The following NKAIN2 variants were observed in gnomAD, a reference collection of about 807,000 sequenced individuals.
The protein encoded by NKAIN2 is sodium/potassium-transporting ATPase subunit beta-1-interacting protein 2.
NKAIN2 carries 14 observed loss-of-function variants against 32.6 expected under a neutral mutation model. The ratio of observed to expected loss-of-function variants is 0.43; its 90% CI spans 0.28 to 0.67. The LOEUF is 0.67. Ranked by LOEUF, NKAIN2 falls within the 30% of genes least tolerant of loss-of-function variation. NKAIN2 has a pLI of 0.17. For missense variants in NKAIN2, 198 were observed against 258.3 expected (o/e 0.77, Z 1.60); for synonymous variants, 80 against 87.2 (o/e 0.92, Z 0.46).
chr6:124,291,415 G>A (rs546331074), intron 2 of NKAIN2, among the ~76,000 whole-genome samples: 2 of 152,046 alleles, frequency 1.3e-5, no homozygotes, highest in South Asian at 4.1e-4. Context: ...CATATTCAAT[G>A]TATGGCAATT....
chr6:123,983,070 A>G (rs1778974012), intron 1 of NKAIN2, among the ~76,000 whole-genome samples: 1 of 150,802 alleles, frequency 6.6e-6, no homozygotes, highest in Non-Finnish European at 1.5e-5. Context: ...GAGTGGATCA[A>G]AGGTAATGCC....
At chr6:124,597,064 T>C (rs1461964740) in intron 3 of NKAIN2, among the ~76,000 whole-genome samples, 2 of 152,276 alleles carry the variant, frequency 1.3e-5, no homozygotes, top group South Asian at 2.1e-4. Context: ...TCCACTCACA[T>C]TGGAGAGGGC....
chr6:123,879,755 T>C (rs553279088), intron 1 of NKAIN2, among the ~76,000 whole-genome samples: 99 of 152,342 alleles, frequency 6.5e-4, no homozygotes, highest in African/African-American at 2.4e-3. Context: ...CTGTTTCCAG[T>C]GTACCTTTCA....
intron 1 of NKAIN2, among the ~76,000 whole-genome samples, chr6:124,023,804 A>C (rs1175112218): frequency 1.3e-5 from 2 of 152,128 alleles, no homozygotes; most frequent in Admixed American, 6.6e-5. Flanking sequence ...GAAAAGCTAC[A>C]GGATGTGAAG....
intron 1 of NKAIN2, among the ~76,000 whole-genome samples, chr6:123,906,225 A>G (rs893469791): frequency 3.2e-4 from 48 of 151,188 alleles, no homozygotes; most frequent in Admixed American, 2.4e-3. Flanking sequence ...TTGGTAAATT[A>G]TATCCTAGTG....
rs999377409 is a variant in NKAIN2, at chr6:124,662,469, G to A, written c.474+4083G>A. On this transcript the variant is annotated intron_variant, in intron 4 of 6. Coordinates refer to ENST00000368417, the MANE Select transcript of NKAIN2 (RefSeq NM_001040214.3). Reference sequence around the variant, plus strand: ...TAGTTTAAAGTCAAGTTCTCCTTCGGTTATATCTATTCCCTATTCAGAAAA... The same window carrying A: ...TAGTTTAAAGTCAAGTTCTCCTTCGATTATATCTATTCCCTATTCAGAAAA... Among the ~76,000 whole-genome samples, 5 of 152,208 alleles carry A rather than the reference G, an allele frequency of 3.3e-5. No homozygotes were observed. The East Asian group carries it at 9.7e-4, about 29-fold the overall frequency.
chr6:124,333,803 A>G (rs146519694), intron 2 of NKAIN2, among the ~76,000 whole-genome samples: 28 of 152,316 alleles, frequency 1.8e-4, no homozygotes, highest in African/African-American at 5.3e-4. Context: ...TTAATTCAGA[A>G]GGTAAGCCTA....
intron 1 of NKAIN2, among the ~76,000 whole-genome samples, chr6:123,887,512 G>A (rs1023657618): frequency 6.6e-6 from 1 of 152,140 alleles, no homozygotes; most frequent in African/African-American, 2.4e-5. Context: ...ATCTAAAGCA[G>A]GTCGAGCTGT....
At chr6:124,146,616 C>A (rs1261620525) in intron 1 of NKAIN2, among the ~76,000 whole-genome samples, 1 of 152,130 alleles carries the variant, frequency 6.6e-6, no homozygotes, top group African/African-American at 2.4e-5. Context: ...CAAATAAAAT[C>A]AGTTCACATT....
chr6:124,748,618 CA>C (rs1418541999), intron 4 of NKAIN2, among the ~76,000 whole-genome samples: 1 of 151,876 alleles, frequency 6.6e-6, no homozygotes, highest in African/African-American at 2.4e-5. Context: ...AGATAAAATG[CA>C]ATAAATAAAC....
At chr6:124,784,535 T>C (rs944700514) in intron 4 of NKAIN2, among the ~76,000 whole-genome samples, 1 of 152,144 alleles carries the variant, frequency 6.6e-6, no homozygotes, top group African/African-American at 2.4e-5. Context: ...TGGAAATTCA[T>C]GCAGGCTGTT....
intron 3 of NKAIN2, among the ~76,000 whole-genome samples, chr6:124,456,645 G>T (rs1776334069): frequency 6.6e-6 from 1 of 151,712 alleles, no homozygotes; most frequent in Non-Finnish European, 1.5e-5. Flanking sequence ...TATATAGATT[G>T]TTTTATTGAC....
intron 1 of NKAIN2, among the ~76,000 whole-genome samples, chr6:123,941,670 C>A (rs944288126): frequency 2.0e-5 from 3 of 151,972 alleles, no homozygotes; most frequent in African/African-American, 4.8e-5. Context: ...CAAAACAATT[C>A]ATCTGCCCTG....
chr6:124,743,063 A>G (rs981880718), intron 4 of NKAIN2, among the ~76,000 whole-genome samples: 2 of 151,898 alleles, frequency 1.3e-5, no homozygotes, highest in African/African-American at 4.8e-5. Context: ...TAGGCCATCA[A>G]CTAAATGGAC....
chr6:123,895,763 C>T (rs1345727406), intron 1 of NKAIN2, among the ~76,000 whole-genome samples: 3 of 152,176 alleles, frequency 2.0e-5, no homozygotes, highest in Non-Finnish European at 4.4e-5. Flanking sequence ...ACACAGATTC[C>T]AGACTTCATT....
intron 1 of NKAIN2, among the ~76,000 whole-genome samples, chr6:124,100,984 A>G (rs1784859786): frequency 6.6e-6 from 1 of 152,334 alleles, no homozygotes; most frequent in East Asian, 1.9e-4. Flanking sequence ...ATTTACTGGT[A>G]CAGTAGAATT....
At chr6:124,411,659 C>G (rs1462805057) in intron 3 of NKAIN2, among the ~76,000 whole-genome samples, 2 of 129,516 alleles carry the variant, frequency 1.5e-5, no homozygotes, top group Non-Finnish European at 3.4e-5. Flanking sequence ...AATTATGTGT[C>G]TTGGCGTTGC....
At chr6:124,044,474 C>A in intron 1 of NKAIN2, among the ~76,000 whole-genome samples, 1 of 152,034 alleles carries the variant, frequency 6.6e-6, no homozygotes, top group East Asian at 1.9e-4. Flanking sequence ...TCAGTAACTA[C>A]TACTACTGAG....
At chr6:124,501,512 G>A (rs1477573388) in intron 3 of NKAIN2, among the ~76,000 whole-genome samples, 4 of 152,134 alleles carry the variant, frequency 2.6e-5, no homozygotes, top group Non-Finnish European at 5.9e-5. Flanking sequence ...AGCGTGGAAG[G>A]TAGTTCGGTC....
Sources: gnomAD v4.1 joint callset for allele counts (sites outside exome capture counted in the v4.1 genomes callset) on GRCh38, gnomAD v4.1.1 for gene constraint, MANE v1.5 for transcripts, NCBI Gene and HGNC (gene_info 2026-07-23, HGNC 2026-07-21) for gene names.